VTCN1: variants seen among roughly 807,000 people sequenced by gnomAD.
The protein encoded by VTCN1 is V-set domain-containing T-cell activation inhibitor 1.
A neutral mutation model predicts 26.5 loss-of-function variants in VTCN1; 26 were observed. The observed-to-expected ratio is 0.98, with a 90% CI of 0.72 to 1.36. The LOEUF (loss-of-function observed/expected upper bound fraction) is 1.36. VTCN1 is among the 40% of genes most tolerant of loss of function. The pLI is 0.00. For synonymous variants in VTCN1, 116 were observed against 130.7 expected, an observed-to-expected ratio of 0.89 and a Z score of 0.77; for missense variants, 298 against 337.7, an observed-to-expected ratio of 0.88 and a Z score of 0.92.
intron 1 of VTCN1, among the ~76,000 whole-genome samples, chr1:117,189,666 C>T (rs1164550124): frequency 6.6e-6 from 1 of 152,154 alleles, no homozygotes; most frequent in Non-Finnish European, 1.5e-5. Flanking sequence ...TATAACATTT[C>T]ACTCATTAGT....
Position 117,144,500 on chromosome 1 carries a change from T to C in VTCN1, c.*771A>G, listed in dbSNP as rs1329572780. 1.3e-5 allele frequency: 2 copies of C among 152,144 alleles called. No homozygotes were observed. The highest frequency in any genetic ancestry group is 4.8e-5 in the African/African-American group (2 of 41,412). The allele number at this position is 152,144 out of a possible 1,614,324, so 9.4% of individuals were successfully genotyped here. ...GAGCTTGTGATGACATAATGCCATA[T>C]AGACAAGGTGAAAGGTCCTTCCCTG... On this transcript the variant is annotated 3_prime_UTR_variant, in exon 6 of 6. Coordinates refer to ENST00000369458, the MANE Select transcript of VTCN1 (RefSeq NM_024626.4).
intron 4 of VTCN1, among the ~76,000 whole-genome samples, chr1:117,152,567 G>C (rs1407067148): frequency 6.6e-6 from 1 of 152,172 alleles, no homozygotes; most frequent in Non-Finnish European, 1.5e-5. Context: ...AGGGGTTTCA[G>C]ATTAATCTTG....
At chr1:117,170,457 T>A (rs1269253766) in intron 1 of VTCN1, 1 of 473,588 alleles carries the variant, frequency 2.1e-6, no homozygotes, top group African/African-American at 2.0e-5. Flanking sequence ...ATATGGAGAC[T>A]GTTGGGGCAA....
At position 117,167,036 on chromosome 1, in the gene VTCN1, T is replaced by C. The variant is rs1442002604; in HGVS notation, c.97+3071A>G. Among the ~76,000 whole-genome samples the C allele has an allele frequency of 6.7e-6, 1 of 150,184 alleles. No homozygotes were observed. Among genetic ancestry groups the C allele is most frequent in the Non-Finnish European group, 1.5e-5 (1 of 67,874 alleles). On this transcript the variant is annotated intron_variant, in intron 2 of 5. Transcript: ENST00000369458. This position sits in a 1 kb window ranked among gnomAD's most constrained non-coding sequence, Gnocchi z 4.1. The stretch of plus-strand genomic sequence containing the variant: ...TGAAGCTGGGAGGCAGAGGCTGCAG[T>C]GAGCCGAGATTATGCCACTGTACTC...
At chr1:117,201,071 C>T (rs1404676670) in intron 1 of VTCN1, among the ~76,000 whole-genome samples, 1 of 152,132 alleles carries the variant, frequency 6.6e-6, no homozygotes, top group African/African-American at 2.4e-5. Flanking sequence ...ATAAACCACC[C>T]TGCCCAGACA....
intron 2 of VTCN1, among the ~76,000 whole-genome samples, chr1:117,158,199 T>A (rs1652185274): frequency 6.6e-6 from 1 of 152,200 alleles, no homozygotes; most frequent in South Asian, 2.1e-4. Context: ...CTCCACTAAG[T>A]GGTGCACCAG....
chr1:117,199,491 A>T (rs1410681179), intron 1 of VTCN1, among the ~76,000 whole-genome samples: 4 of 151,912 alleles, frequency 2.6e-5, no homozygotes, highest in Non-Finnish European at 5.9e-5. Context: ...ACGTCCAGCA[A>T]ATTTTTATAT....
At chr1:117,189,474 G>C (rs1317355254) in intron 1 of VTCN1, among the ~76,000 whole-genome samples, 1 of 152,186 alleles carries the variant, frequency 6.6e-6, no homozygotes, top group Non-Finnish European at 1.5e-5. Context: ...ACGAAAGGGA[G>C]ACTTGGCAAA....
intron 2 of VTCN1, among the ~76,000 whole-genome samples, chr1:117,164,796 G>A (rs1437172665): frequency 1.3e-5 from 2 of 152,330 alleles, no homozygotes; most frequent in East Asian, 3.9e-4. Flanking sequence ...ATGGTTAGGG[G>A]CCTTTCCATC....
In VTCN1 at chr1:117,178,286, T is replaced by G. The variant is rs376028284; in HGVS notation, c.33-8115A>C. Among the ~76,000 whole-genome samples, 47 of 147,704 alleles carry G rather than the reference T, an allele frequency of 3.2e-4. No homozygotes were observed. The East Asian group carries it at 5.4e-3, about 17-fold the overall frequency. ...TTTTTTTTTTTTTTGAGATGGAGTC[T>G]CTCTCTGTGACCCAGGCTGGAGTGC... On this transcript the variant is annotated intron_variant, in intron 1 of 5. Coordinates refer to ENST00000369458, the MANE Select transcript of VTCN1 (RefSeq NM_024626.4).
At chr1:117,158,101 G>C (rs1652181764) in intron 2 of VTCN1, among the ~76,000 whole-genome samples, 1 of 152,234 alleles carries the variant, frequency 6.6e-6, no homozygotes, top group Non-Finnish European at 1.5e-5. Flanking sequence ...CTGGCATTGA[G>C]TGTCTGTTGC....
intron 1 of VTCN1, among the ~76,000 whole-genome samples, chr1:117,198,721 A>T (rs1295235134): frequency 6.6e-6 from 1 of 152,198 alleles, no homozygotes; most frequent in Non-Finnish European, 1.5e-5. Context: ...AATTAAAATT[A>T]TAACAATGAG....
At position 117,147,048 on chromosome 1, in the gene VTCN1, G is replaced by C. The variant is rs1172497546; in HGVS notation, c.*45+565C>G. On this transcript the variant is annotated intron_variant, in intron 5 of 5. Transcript: ENST00000369458. This position sits in a 1 kb window ranked among gnomAD's most constrained non-coding sequence, Gnocchi z 4.6. ...GGAGGCTTGGTGGGGATGCCACTGA[G>C]TAATATGGGAGTATCGACTGGAACT... 1.3e-5 allele frequency among the ~76,000 whole-genome samples: 2 copies of C among 152,164 alleles called. No individual in the cohort carries two copies. Among genetic ancestry groups the C allele is most frequent in the African/African-American group, 2.4e-5 (1 of 41,434 alleles).
chr1:117,143,848 C>T lies in VTCN1; in HGVS notation c.*1423G>A, dbSNP rs1261551240. The T allele has an allele frequency of 6.6e-6, 1 of 152,138 alleles. No homozygotes were observed. The highest frequency in any genetic ancestry group is 1.5e-5 in the Non-Finnish European group (1 of 68,020). 9.4% of individuals were successfully genotyped at this position (152,138 alleles called of 1,614,324 possible). On this transcript the variant is annotated 3_prime_UTR_variant, in exon 6 of 6. Transcript: ENST00000369458. ...TTCATGGAAGGTATATGTTTGTTGC[C>T]TTAATTTGAATTGTGGCCAGGCAGG... is the stretch of plus-strand genomic sequence containing the variant.
At position 117,170,115 on chromosome 1, in the gene VTCN1, C is replaced by T. The variant is rs760388338; in HGVS notation, c.89G>A (p.Gly30Asp). The part of the protein sequence containing the change: ...AGAIALIIGF[G>D]ISGRHSITVT... ...TGCAAGAAATCACATACCTGAAATACCAAAGCCAATGATGAGTGCAATTGC... is the reference window on the plus strand; with the variant it reads ...TGCAAGAAATCACATACCTGAAATATCAAAGCCAATGATGAGTGCAATTGC... The change falls in exon 2 of 6, where the codon GGT becomes GAT. Residue 30 changes from glycine to aspartate, a missense_variant. Coordinates refer to ENST00000369458, the MANE Select transcript of VTCN1 (RefSeq NM_024626.4). 1 of 1,613,610 alleles carries T rather than the reference C, an allele frequency of 6.2e-7. No individual in the cohort carries two copies. Among genetic ancestry groups the T allele is most frequent in the Non-Finnish European group, 8.5e-7 (1 of 1,179,692 alleles).
At chr1:117,178,706 G>A (rs1032716404) in intron 1 of VTCN1, among the ~76,000 whole-genome samples, 27 of 141,772 alleles carry the variant, frequency 1.9e-4, no homozygotes, top group African/African-American at 6.9e-4. Context: ...CAATCCTCTC[G>A]CTTTAGCCTC....
intron 4 of VTCN1, 140 bp downstream of exon 4, chr1:117,152,951 G>A (rs982542026): frequency 3.1e-6 from 3 of 967,102 alleles, no homozygotes; most frequent in Non-Finnish European, 4.6e-6. Context: ...AATCTCAACT[G>A]GAATTGAGTG....
intron 1 of VTCN1, among the ~76,000 whole-genome samples, chr1:117,198,431 G>A (rs1376116392): frequency 6.6e-6 from 1 of 152,218 alleles, no homozygotes; most frequent in African/African-American, 2.4e-5. Flanking sequence ...AAGCACTGGG[G>A]ATTTAGTCCT....
chr1:117,147,300 C>G lies in VTCN1; in HGVS notation c.*45+313G>C, dbSNP rs1892408. Among the ~76,000 whole-genome samples, 26,233 of 152,094 alleles carry G rather than the reference C, an allele frequency of 0.17. 3,989 individuals are homozygous for G. Among genetic ancestry groups the G allele is most frequent in the African/African-American group, 0.41 (17,137 of 41,430 alleles). On this transcript the variant is annotated intron_variant, in intron 5 of 5. Transcript: ENST00000369458. This position sits in a 1 kb window ranked among gnomAD's most constrained non-coding sequence, Gnocchi z 4.6. The stretch of plus-strand genomic sequence containing the variant: ...ATAACAGTGGAATCCAGGGTAATTA[C>G]TCAGGGCTAAATATCTCTTTCTCTT...
Sources: gnomAD v4.1 joint callset for allele counts (sites outside exome capture counted in the v4.1 genomes callset) on GRCh38, gnomAD v4.1.1 for gene constraint, Gnocchi (gnomAD v3.1) non-coding constraint, MANE v1.5 for transcripts, NCBI Gene and HGNC (gene_info 2026-07-23, HGNC 2026-07-21) for gene names.